Variants in CNTNAP2 observed in about 807,000 individuals in gnomAD.
The protein encoded by CNTNAP2 is contactin-associated protein-like 2.
Under a neutral mutation model 155.2 loss-of-function variants are expected in CNTNAP2, and 98 were observed. That is an observed-to-expected ratio of 0.63 (90% CI 0.54 to 0.75). CNTNAP2 has a LOEUF of 0.75. Among genes scored for constraint, CNTNAP2 ranks in the 30% least tolerant of loss-of-function variants. The probability of loss-of-function intolerance (pLI) is 0.00; values close to 1 mark genes in which losing one functional copy is unlikely to be tolerated. For synonymous variants in CNTNAP2, 651 were observed against 631.2 expected, an observed-to-expected ratio of 1.03 and a Z score of -0.47; for missense variants, 1,727 against 1,688.1, an observed-to-expected ratio of 1.02 and a Z score of -0.40.
intron 1 of CNTNAP2, among the ~76,000 whole-genome samples, chr7:146,696,664 A>G (rs1373195810): frequency 1.3e-5 from 2 of 152,050 alleles, no homozygotes; most frequent in African/African-American, 4.8e-5. Context: ...CAGTGCTACA[A>G]ATTTCTCTCT....
intron 1 of CNTNAP2, among the ~76,000 whole-genome samples, chr7:146,347,476 G>T (rs1794836907): frequency 6.6e-6 from 1 of 152,092 alleles, no homozygotes. Flanking sequence ...CCTACTGACT[G>T]GTCATACCCT....
intron 17 of CNTNAP2, among the ~76,000 whole-genome samples, chr7:148,157,635 C>T (rs1805425775): frequency 6.8e-6 from 1 of 146,846 alleles, no homozygotes; most frequent in South Asian, 2.2e-4. Flanking sequence ...TCAAATCAGT[C>T]TAGAGCCTGA....
chr7:147,937,647 A>T (rs1355652978), intron 14 of CNTNAP2, among the ~76,000 whole-genome samples: 1 of 151,886 alleles, frequency 6.6e-6, no homozygotes, highest in Admixed American at 6.6e-5. Flanking sequence ...AGCAGACTCC[A>T]CCCCCATGTT....
At chr7:146,150,313 A>G (rs1397205885) in intron 1 of CNTNAP2, among the ~76,000 whole-genome samples, 1 of 152,104 alleles carries the variant, frequency 6.6e-6, no homozygotes, top group Admixed American at 6.6e-5. Flanking sequence ...TGGAATGAAA[A>G]ATCATGTAAC....
At chr7:146,440,114 ACT>A (rs1413506474) in intron 1 of CNTNAP2, among the ~76,000 whole-genome samples, 1 of 151,518 alleles carries the variant, frequency 6.6e-6, no homozygotes, top group Non-Finnish European at 1.5e-5. Context: ...ACAGAGAGCG[ACT>A]CCATCTCAAA....
At chr7:146,197,249 A>T (rs1798790624) in intron 1 of CNTNAP2, among the ~76,000 whole-genome samples, 1 of 152,206 alleles carries the variant, frequency 6.6e-6, no homozygotes, top group Admixed American at 6.5e-5. Context: ...CATAGCAAAT[A>T]ATATCACAAA....
At chr7:147,751,497 A>G (rs1398096001) in intron 13 of CNTNAP2, among the ~76,000 whole-genome samples, 2 of 152,212 alleles carry the variant, frequency 1.3e-5, no homozygotes, top group African/African-American at 4.8e-5. Flanking sequence ...AAAGTTTCAG[A>G]TAAGTATGCC....
chr7:146,534,644 G>A (rs801927), intron 1 of CNTNAP2, among the ~76,000 whole-genome samples: 67,887 of 151,694 alleles, frequency 0.45, 17,236 homozygotes, highest in African/African-American at 0.71. Flanking sequence ...GGCTTCATAT[G>A]TTGTAAAATG....
At chr7:148,219,846 G>A (rs956241526) in intron 19 of CNTNAP2, among the ~76,000 whole-genome samples, 6 of 151,802 alleles carry the variant, frequency 4.0e-5, no homozygotes, top group African/African-American at 1.5e-4. Context: ...GCAAGACCCT[G>A]TCTCTAAAAT....
chr7:147,645,693 CA>C (rs1173381254), intron 13 of CNTNAP2, among the ~76,000 whole-genome samples: 1 of 151,978 alleles, frequency 6.6e-6, no homozygotes, highest in Non-Finnish European at 1.5e-5. Flanking sequence ...GAGAATAAGT[CA>C]ACAAATATTT....
chr7:147,272,469 T>G (rs2116707122), intron 8 of CNTNAP2, among the ~76,000 whole-genome samples: 1 of 152,252 alleles, frequency 6.6e-6, no homozygotes. Context: ...TATCTCTACC[T>G]TCAGCCTATG....
intron 2 of CNTNAP2, among the ~76,000 whole-genome samples, chr7:146,839,084 T>G (rs753742548): frequency 3.3e-5 from 5 of 152,154 alleles, no homozygotes; most frequent in Non-Finnish European, 5.9e-5. Flanking sequence ...TTAACTTTGT[T>G]TAGTATCTAA....
intron 1 of CNTNAP2, among the ~76,000 whole-genome samples, chr7:146,133,605 G>T (rs1164684526): frequency 1.3e-5 from 2 of 152,102 alleles, no homozygotes; most frequent in East Asian, 3.9e-4. Flanking sequence ...GTGTAAGGAA[G>T]GGATCCAGTT....
In CNTNAP2 at chr7:148,377,694, T is replaced by G. The variant is rs1392496496; in HGVS notation, c.3476-5955T>G. Among the ~76,000 whole-genome samples the G allele has an allele frequency of 3.0e-5, 2 of 67,388 alleles. 1 individual carries two copies. Among genetic ancestry groups the G allele is most frequent in the Admixed American group, 4.2e-4 (2 of 4,800 alleles). The allele number at this position is 67,388 out of a possible 152,430, so 44.2% of individuals were successfully genotyped here. A position where few individuals can be genotyped will look rare whatever the true frequency, so the allele number is the denominator to read the frequency against. ...ATAGCTAACTATGATTGTTCTAATTTCCATAGTACTTGATCCCCTCCCACA... is the reference window on the plus strand; with the variant it reads ...ATAGCTAACTATGATTGTTCTAATTGCCATAGTACTTGATCCCCTCCCACA... On this transcript the variant is annotated intron_variant, in intron 21 of 23. Coordinates refer to ENST00000361727, the MANE Select transcript of CNTNAP2 (RefSeq NM_014141.6).
intron 11 of CNTNAP2, among the ~76,000 whole-genome samples, chr7:147,528,818 AT>A (rs1799378333): frequency 6.6e-6 from 1 of 152,208 alleles, no homozygotes; most frequent in African/African-American, 2.4e-5. Flanking sequence ...ACAAGCTAGT[AT>A]TCTATCAAAT....
intron 11 of CNTNAP2, among the ~76,000 whole-genome samples, chr7:147,516,266 A>G (rs926749456): frequency 6.6e-6 from 1 of 152,202 alleles, no homozygotes; most frequent in Non-Finnish European, 1.5e-5. Flanking sequence ...TGTAGAACAA[A>G]AAAATAGACA....
chr7:147,947,782 G>A (rs1445094115), intron 14 of CNTNAP2, among the ~76,000 whole-genome samples: 1 of 152,134 alleles, frequency 6.6e-6, no homozygotes, highest in African/African-American at 2.4e-5. Flanking sequence ...TTCAAAGCAT[G>A]CCAAAGAGCC....
chr7:147,189,026 A>T (rs937049933), intron 8 of CNTNAP2, among the ~76,000 whole-genome samples: 1 of 152,186 alleles, frequency 6.6e-6, no homozygotes, highest in Non-Finnish European at 1.5e-5. Context: ...TTTGCACAGA[A>T]TTCCCTGCAG....
chr7:147,059,586 C>T (rs1038378117), intron 4 of CNTNAP2, among the ~76,000 whole-genome samples: 1 of 152,056 alleles, frequency 6.6e-6, no homozygotes, highest in East Asian at 1.9e-4. Flanking sequence ...GTTAACTAAA[C>T]AACCATTTGT....
Sources: allele counts gnomAD v4.1 joint callset (sites outside exome capture counted in the v4.1 genomes callset), GRCh38; gene constraint gnomAD v4.1.1; transcripts MANE v1.5; gene names NCBI Gene and HGNC (gene_info 2026-07-23, HGNC 2026-07-21).